The following AASDH variants were observed in gnomAD, a reference collection of about 807,000 sequenced individuals.
AASDH encodes the protein aminoadipate-semialdehyde dehydrogenase.
Under a neutral mutation model 102.3 loss-of-function variants are expected in AASDH, and 81 were observed. That is an observed-to-expected ratio of 0.79 (90% CI 0.66 to 0.95). AASDH has a LOEUF of 0.95. Among genes scored for constraint, AASDH ranks in the 40% least tolerant of loss-of-function variants. The probability of loss-of-function intolerance (pLI) is 0.00; values close to 1 mark genes in which losing one functional copy is unlikely to be tolerated. For missense variants in AASDH, 1,203 were observed against 1,266.2 expected, an observed-to-expected ratio of 0.95 and a Z score of 0.76; for synonymous variants, 398 against 454.0, an observed-to-expected ratio of 0.88 and a Z score of 1.57.
chr4:56,343,913 G>A (rs1036094251), intron 12 of AASDH, among the ~76,000 whole-genome samples: 4 of 152,140 alleles, frequency 2.6e-5, no homozygotes, highest in Admixed American at 6.5e-5. Context: ...GGGTATGGGT[G>A]TGTGTGTCTG....
At chr4:56,361,392 G>C (rs547331579) in intron 5 of AASDH, among the ~76,000 whole-genome samples, 100 of 152,134 alleles carry the variant, frequency 6.6e-4, no homozygotes, top group Non-Finnish European at 1.1e-3. Flanking sequence ...CTGCGTGACA[G>C]AGTAAGATTC....
At chr4:56,356,154 A>G in intron 5 of AASDH, 2 of 678,964 alleles carry the variant, frequency 2.9e-6, no homozygotes, top group Non-Finnish European at 5.3e-6. Context: ...GGAAAGGCCA[A>G]GGGAAAGAAG....
chr4:56,353,913 T>C lies in AASDH; in HGVS notation c.1383+126A>G, dbSNP rs187785191. On this transcript the variant is annotated intron_variant, in intron 8 of 14. Coordinates refer to ENST00000205214, the MANE Select transcript of AASDH (RefSeq NM_181806.4). ...CACCCTGAATTATTCATACCCTTTA[T>C]TGTAATTCATCACTAACACAAAAAT... The C allele has an allele frequency of 2.1e-5, 18 of 846,292 alleles. No homozygotes were observed. In the East Asian group the frequency reaches 4.5e-4, roughly 21 times the overall value. The allele number at this position is 846,292 out of a possible 1,614,324, so 52.4% of individuals were successfully genotyped here. A position where few individuals can be genotyped will look rare whatever the true frequency, so the allele number is the denominator to read the frequency against.
Position 56,338,335 on chromosome 4 carries a change from A to ATGAT in AASDH, c.*63_*66dup, listed in dbSNP as rs1747101774. Reference sequence around the variant, plus strand: ...CTTCTTTAATATAAAATAAGTCCACATGATGTATAATGGTAAAATATTTTC... The same window carrying ATGAT: ...CTTCTTTAATATAAAATAAGTCCACATGATTGATGTATAATGGTAAAATATTTTC... On this transcript the variant is annotated 3_prime_UTR_variant, in exon 15 of 15. Coordinates refer to ENST00000205214, the MANE Select transcript of AASDH (RefSeq NM_181806.4). The ATGAT allele has an allele frequency of 1.3e-6, 2 of 1,506,462 alleles. No homozygotes were observed. Among genetic ancestry groups the ATGAT allele is most frequent in the African/African-American group, 1.4e-5 (1 of 71,322 alleles). 93.3% of individuals were successfully genotyped at this position (1,506,462 alleles called of 1,614,324 possible).
chr4:56,366,794 C>G (rs1488866636), intron 5 of AASDH, among the ~76,000 whole-genome samples: 1 of 151,004 alleles, frequency 6.6e-6, no homozygotes, highest in African/African-American at 2.4e-5. Flanking sequence ...GGAAGCATTC[C>G]CTTTGAAAAC....
At chr4:56,378,680 A>G (rs992283930) in intron 3 of AASDH, among the ~76,000 whole-genome samples, 1 of 152,114 alleles carries the variant, frequency 6.6e-6, no homozygotes, top group African/African-American at 2.4e-5. Flanking sequence ...ATATACTTTA[A>G]ATGATCTCTA....
At chr4:56,378,106 T>C in intron 4 of AASDH, 42 bp downstream of exon 4, 1 of 1,540,500 alleles carries the variant, frequency 6.5e-7, no homozygotes, top group Non-Finnish European at 8.7e-7. Context: ...ACACCTGGCC[T>C]AAAATATAGA....
intron 5 of AASDH, among the ~76,000 whole-genome samples, chr4:56,361,385 C>T (rs182309832): frequency 5.3e-5 from 8 of 151,474 alleles, no homozygotes; most frequent in South Asian, 4.2e-4. Context: ...CTCCAGCCTG[C>T]GTGACAGAGT....
intron 5 of AASDH, among the ~76,000 whole-genome samples, chr4:56,358,604 A>C (rs556737308): frequency 6.6e-6 from 1 of 151,996 alleles, no homozygotes; most frequent in East Asian, 1.9e-4. Context: ...ATCCATTAAG[A>C]TAGGTATGTG....
intron 5 of AASDH, among the ~76,000 whole-genome samples, chr4:56,368,929 G>A (rs1279413083): frequency 2.0e-5 from 3 of 147,960 alleles, no homozygotes; most frequent in African/African-American, 7.4e-5. Context: ...AAGAAAAGAT[G>A]AACCCTGACA....
chr4:56,350,664 A>G (rs1312014933), intron 10 of AASDH, among the ~76,000 whole-genome samples: 1 of 152,108 alleles, frequency 6.6e-6, no homozygotes, highest in Non-Finnish European at 1.5e-5. Context: ...TATTAATTAT[A>G]AAGCCCACAA....
At chr4:56,339,300 C>A (rs1169050873) in intron 14 of AASDH, among the ~76,000 whole-genome samples, 1 of 151,886 alleles carries the variant, frequency 6.6e-6, no homozygotes, top group Non-Finnish European at 1.5e-5. Context: ...CGCGTGCCAC[C>A]ACACCCAGGT....
At chr4:56,387,160 G>A (rs1450736180) in intron 1 of AASDH, among the ~76,000 whole-genome samples, 2 of 152,178 alleles carry the variant, frequency 1.3e-5, no homozygotes, top group Non-Finnish European at 2.9e-5. Flanking sequence ...ATGGAGGGGC[G>A]GAGGCTAGTG....
rs1747234035 is a variant in AASDH at position 56,338,791 on chromosome 4, C to T, written c.2908G>A (p.Val970Ile). 1 of 1,612,386 alleles carries T rather than the reference C, an allele frequency of 6.2e-7. No individual in the cohort carries two copies. Among genetic ancestry groups the T allele is most frequent in the Non-Finnish European group, 8.5e-7 (1 of 1,179,266 alleles). Residue 970 changes from valine (V) to isoleucine (I), a missense_variant and splice_region_variant, in exon 15 of 15, where the codon GTT becomes ATT. Val to Ile is a conservative substitution (Grantham distance 29, BLOSUM62 3). Coordinates refer to ENST00000205214, the MANE Select transcript of AASDH (RefSeq NM_181806.4). ...GGTCCACTGGTAGAGAACTGCCAAA[C>T]CTATAACAAGTAATAAAAATAAATA... ...LLCFTHFGEQ[V>I]WQFSTSGPIF...
Position 56,355,441 on chromosome 4 carries a change from ATAAT to A in AASDH, c.862-22_862-19del, listed in dbSNP as rs749060401. Reference sequence around the variant, plus strand: ...GGTGTTGCCTGTAGATACATTAAAAATAATTTATTTATTTTCCTTCACTTCTTTA... The same window carrying A: ...GGTGTTGCCTGTAGATACATTAAAAATTATTTATTTTCCTTCACTTCTTTA... On this transcript the variant is annotated intron_variant, in intron 5 of 14. Transcript: ENST00000205214. 5 of 1,595,414 alleles carry A rather than the reference ATAAT, an allele frequency of 3.1e-6. No individual in the cohort carries two copies. Among genetic ancestry groups the A allele is most frequent in the East Asian group, 2.2e-5 (1 of 44,718 alleles).
At chr4:56,385,937 T>C (rs1320285330) in intron 1 of AASDH, among the ~76,000 whole-genome samples, 2 of 151,920 alleles carry the variant, frequency 1.3e-5, no homozygotes, top group Non-Finnish European at 2.9e-5. Flanking sequence ...TTCTTTTTTT[T>C]TTTTTAATTT....
At chr4:56,361,830 G>A (rs1750333818) in intron 5 of AASDH, among the ~76,000 whole-genome samples, 2 of 152,008 alleles carry the variant, frequency 1.3e-5, no homozygotes, top group South Asian at 4.2e-4. Flanking sequence ...AAATTAGCCA[G>A]GCATGATGGC....
At chr4:56,385,902 C>T (rs1393450677) in intron 1 of AASDH, among the ~76,000 whole-genome samples, 2 of 151,252 alleles carry the variant, frequency 1.3e-5, no homozygotes, top group Admixed American at 1.3e-4. Context: ...GCCACCGCGC[C>T]CGGCCGAGTC....
chr4:56,344,932 TTTTC>T (rs1331792363), intron 12 of AASDH, among the ~76,000 whole-genome samples, 191 bp downstream of exon 12: 10 of 142,182 alleles, frequency 7.0e-5, no homozygotes, highest in Admixed American at 2.2e-4. Context: ...ATGAGGTGAA[TTTTC>T]TTTCTTTTTT....
Sources: gnomAD v4.1 joint callset for allele counts (sites outside exome capture counted in the v4.1 genomes callset) on GRCh38, gnomAD v4.1.1 for gene constraint, MANE v1.5 for transcripts, NCBI Gene and HGNC (gene_info 2026-07-23, HGNC 2026-07-21) for gene names.